HS6ST2: variants seen among roughly 807,000 people sequenced by gnomAD.
The protein encoded by HS6ST2 is heparan-sulfate 6-O-sulfotransferase 2.
In HS6ST2, 17 loss-of-function variants were observed where a neutral mutation model predicts 33.0. That is an observed-to-expected ratio of 0.52 (90% CI 0.35 to 0.77). The LOEUF (loss-of-function observed/expected upper bound fraction) is 0.77. Among genes scored for constraint, HS6ST2 ranks in the 30% least tolerant of loss-of-function variants. The pLI is 0.01. For missense variants in HS6ST2, 519 were observed against 551.7 expected, an observed-to-expected ratio of 0.94 and a Z score of 0.59; for synonymous variants, 248 against 237.1, an observed-to-expected ratio of 1.05 and a Z score of -0.42.
intron 2 of HS6ST2, among the ~76,000 whole-genome samples, chrX:132,850,512 G>A (rs978294934): frequency 9.0e-6 from 1 of 111,118 alleles, no homozygotes; most frequent in Non-Finnish European, 1.9e-5. Flanking sequence ...CTAAAATGAG[G>A]GGAGCACCTA....
At chrX:132,701,497 A>T (rs918516536) in intron 3 of HS6ST2, among the ~76,000 whole-genome samples, 6 of 112,206 alleles carry the variant, frequency 5.3e-5, no homozygotes, top group Non-Finnish European at 1.1e-4. Context: ...TATCTGAGTG[A>T]TAAGTGGAAT....
intron 2 of HS6ST2, among the ~76,000 whole-genome samples, chrX:132,906,875 G>C (rs1050646557): frequency 9.0e-6 from 1 of 111,381 alleles, no homozygotes; most frequent in Non-Finnish European, 1.9e-5. Flanking sequence ...ATGATGGCCA[G>C]GCTGATCTTG....
At chrX:132,717,564 C>T (rs897668649) in intron 2 of HS6ST2, among the ~76,000 whole-genome samples, 2 of 112,299 alleles carry the variant, frequency 1.8e-5, no homozygotes, top group African/African-American at 6.5e-5. Flanking sequence ...GTACATGAAA[C>T]ATCTGGATAA....
chrX:132,635,711 G>T (rs1414261335), intron 4 of HS6ST2, among the ~76,000 whole-genome samples: 1 of 110,100 alleles, frequency 9.1e-6, no homozygotes, highest in Non-Finnish European at 1.9e-5. Flanking sequence ...CAGGGATGTT[G>T]CTAAATATCC....
chrX:132,858,100 T>C (rs1411914732), intron 2 of HS6ST2, among the ~76,000 whole-genome samples: 2 of 111,861 alleles, frequency 1.8e-5, no homozygotes, highest in Non-Finnish European at 3.8e-5. Flanking sequence ...AGTGACTTTC[T>C]GAAATAAAAC....
At chrX:132,871,973 TA>T (rs778087636) in intron 2 of HS6ST2, among the ~76,000 whole-genome samples, 2 of 111,501 alleles carry the variant, frequency 1.8e-5, no homozygotes, top group Non-Finnish European at 3.8e-5. Context: ...GTCAGCAGTG[TA>T]AAAATGCTCT....
At chrX:132,798,985 C>T (rs1168999987) in intron 2 of HS6ST2, among the ~76,000 whole-genome samples, 2 of 111,981 alleles carry the variant, frequency 1.8e-5, no homozygotes, top group Non-Finnish European at 3.8e-5. Context: ...AGGGTAATTG[C>T]TCAGTAAATG....
chrX:132,737,363 G>A (rs949472105), intron 2 of HS6ST2, among the ~76,000 whole-genome samples: 1 of 111,802 alleles, frequency 8.9e-6, no homozygotes, highest in African/African-American at 3.3e-5. Context: ...CTTGGGAAGG[G>A]ATGTGCACTG....
At chrX:132,799,634 A>G (rs759414944) in intron 2 of HS6ST2, among the ~76,000 whole-genome samples, 34 of 111,089 alleles carry the variant, frequency 3.1e-4, no homozygotes, top group African/African-American at 1.1e-3. Context: ...CACCCACTTT[A>G]GCCTCCAAAA....
intron 2 of HS6ST2, among the ~76,000 whole-genome samples, chrX:132,819,039 GT>G (rs947623514): frequency 1.2e-3 from 129 of 107,464 alleles, no homozygotes; most frequent in African/African-American, 3.3e-3. Context: ...TAATTTTTAT[GT>G]TTTTTTTTTC....
chrX:132,750,410 A>G (rs1353268582), intron 2 of HS6ST2, among the ~76,000 whole-genome samples: 1 of 110,091 alleles, frequency 9.1e-6, no homozygotes, highest in Non-Finnish European at 1.9e-5. Flanking sequence ...GCTGGTCAGT[A>G]TCACACCAAC....
chrX:132,942,538 T>C, intron 2 of HS6ST2, among the ~76,000 whole-genome samples: 1 of 112,293 alleles, frequency 8.9e-6, no homozygotes, highest in East Asian at 2.8e-4. Context: ...TATTTGGTTA[T>C]TTCAGCAACA....
chrX:132,891,668 CAAT>C (rs2066313424), intron 2 of HS6ST2, among the ~76,000 whole-genome samples: 1 of 110,932 alleles, frequency 9.0e-6, no homozygotes, highest in Non-Finnish European at 1.9e-5. Flanking sequence ...AGTTTACTGA[CAAT>C]AATGATTTCC....
At chrX:132,944,840 T>C (rs1281568724) in intron 2 of HS6ST2, among the ~76,000 whole-genome samples, 61 of 110,573 alleles carry the variant, frequency 5.5e-4, no homozygotes, top group Non-Finnish European at 1.0e-3. Context: ...TTACACCTTA[T>C]ACAAAAATTA....
rs150877937 is a variant in HS6ST2 at position 132,782,408 on chromosome X, C to G, written c.948-73914G>C. Reference sequence around the variant, plus strand: ...TTTTAGAAGGCTCTTGAAAAGAATCCTCACTTAAAGAAGGAGTCTTGGGCG... The same window carrying G: ...TTTTAGAAGGCTCTTGAAAAGAATCGTCACTTAAAGAAGGAGTCTTGGGCG... On this transcript the variant is annotated intron_variant, in intron 2 of 4. Transcript: ENST00000370833. 3.6e-5 allele frequency among the ~76,000 whole-genome samples: 4 copies of G among 111,747 alleles called. No individual in the cohort carries two copies. The South Asian group carries it at 1.5e-3, about 43-fold the overall frequency.
chrX:132,761,077 A>T (rs1569487977), intron 2 of HS6ST2, among the ~76,000 whole-genome samples: 1 of 111,560 alleles, frequency 9.0e-6, no homozygotes, highest in Admixed American at 9.5e-5. Flanking sequence ...CCATATATGC[A>T]AGGAATAAAT....
In HS6ST2 at chrX:132,841,554, C is replaced by T. The variant is rs774062019; in HGVS notation, c.947+115254G>A. Among the ~76,000 whole-genome samples, 7 of 111,600 alleles carry T rather than the reference C, an allele frequency of 6.3e-5. No homozygotes were observed. In the East Asian group the frequency reaches 1.7e-3, roughly 27 times the overall value. ...GAGCCTTCTTGCCAGCAATAGGGCT[C>T]CCAATAGAATTAAGAGCAAACCAAA... On this transcript the variant is annotated intron_variant, in intron 2 of 4. Coordinates refer to ENST00000370833, the MANE Select transcript of HS6ST2 (RefSeq NM_001394073.1).
intron 2 of HS6ST2, among the ~76,000 whole-genome samples, chrX:132,860,008 T>C (rs2065895670): frequency 9.0e-6 from 1 of 111,346 alleles, no homozygotes; most frequent in Non-Finnish European, 1.9e-5. Context: ...AGTTCACTAA[T>C]GAATGTGAGG....
At chrX:132,763,019 G>A (rs745599691) in intron 2 of HS6ST2, among the ~76,000 whole-genome samples, 1 of 111,926 alleles carries the variant, frequency 8.9e-6, no homozygotes, top group African/African-American at 3.2e-5. Context: ...TCCTCACTAG[G>A]TTGTTGTGAA....
Sources: gnomAD v4.1 joint callset for allele counts (sites outside exome capture counted in the v4.1 genomes callset) on GRCh38, gnomAD v4.1.1 for gene constraint, MANE v1.5 for transcripts, NCBI Gene and HGNC (gene_info 2026-07-23, HGNC 2026-07-21) for gene names.